ABCA12: variants seen among roughly 807,000 people sequenced by gnomAD.
ABCA12 encodes the protein ATP binding cassette subfamily A member 12.
A neutral mutation model predicts 293.5 loss-of-function variants in ABCA12; 156 were observed. The observed-to-expected ratio is 0.53, with a 90% CI of 0.47 to 0.61. The LOEUF (loss-of-function observed/expected upper bound fraction) is 0.61. Among genes scored for constraint, ABCA12 ranks in the 20% least tolerant of loss-of-function variants. The probability of loss-of-function intolerance (pLI) is 0.00; values close to 1 mark genes in which losing one functional copy is unlikely to be tolerated. For synonymous variants in ABCA12, 1,063 were observed against 1,108.0 expected (o/e 0.96, Z 0.81); for missense variants, 2,797 against 3,090.2 (o/e 0.91, Z 2.25).
At chr2:215,052,445 A>G (rs752277900) in intron 5 of ABCA12, 42 bp downstream of exon 5, 2 of 1,509,514 alleles carry the variant, frequency 1.3e-6, no homozygotes, top group South Asian at 1.1e-5. Flanking sequence ...TAAAAGGCCT[A>G]TGTTGAATCA....
At chr2:215,036,784 C>T (rs1453818310) in intron 8 of ABCA12, among the ~76,000 whole-genome samples, 169 bp downstream of exon 8, 1 of 152,070 alleles carries the variant, frequency 6.6e-6, no homozygotes, top group East Asian at 1.9e-4. Flanking sequence ...TTGGCCATTT[C>T]TCCCTTTCTC....
At chr2:214,963,605 CAAAAAAAAAAAAAA>C (rs57895778) in intron 39 of ABCA12, among the ~76,000 whole-genome samples, 1 of 70,184 alleles carries the variant, frequency 1.4e-5, no homozygotes, top group Non-Finnish European at 2.7e-5. Context: ...GCAGAGATAC[CAAAAAAAAAAAAAA>C]AAAAAAAAAA....
chr2:215,056,079 A>G (rs970911297), intron 3 of ABCA12, among the ~76,000 whole-genome samples: 20 of 152,092 alleles, frequency 1.3e-4, no homozygotes, highest in African/African-American at 4.6e-4. Flanking sequence ...AAATTTAAGG[A>G]CTAGGGACAG....
At chr2:214,933,592 C>G (rs1698129269) in intron 52 of ABCA12, among the ~76,000 whole-genome samples, 2 of 149,914 alleles carry the variant, frequency 1.3e-5, no homozygotes, top group Non-Finnish European at 3.0e-5. Flanking sequence ...TTATTAAATG[C>G]AAATGTAATT....
At chr2:215,042,414 T>C (rs1486331628) in intron 7 of ABCA12, 2 of 152,076 alleles carry the variant, frequency 1.3e-5, no homozygotes, top group African/African-American at 2.4e-5. Flanking sequence ...TTTTTTATTT[T>C]ATTTTATTTT....
rs1184651381 is a variant in ABCA12, at chr2:214,971,346, G to A, written c.5563-946C>T. ...TAAAAGAGAATACTCTTATGTATTC[G>A]TGTAATTTTTAAATTATACTATACA... On this transcript the variant is annotated intron_variant, in intron 36 of 52. Coordinates refer to ENST00000272895, the MANE Select transcript of ABCA12 (RefSeq NM_173076.3). Among the ~76,000 whole-genome samples, 12 of 152,060 alleles carry A rather than the reference G, an allele frequency of 7.9e-5. No individual in the cohort carries two copies. The South Asian group carries it at 1.2e-3, about 16-fold the overall frequency.
intron 38 of ABCA12, among the ~76,000 whole-genome samples, chr2:214,967,419 A>G (rs1054028153): frequency 7.9e-5 from 12 of 152,128 alleles, no homozygotes; most frequent in Admixed American, 2.6e-4. Context: ...TTCCTCCACT[A>G]ATTTTTGATT....
At chr2:215,061,563 A>T (rs1180419863) in intron 3 of ABCA12, among the ~76,000 whole-genome samples, 1 of 152,128 alleles carries the variant, frequency 6.6e-6, no homozygotes, top group Non-Finnish European at 1.5e-5. Flanking sequence ...AATATATGCC[A>T]GTTTCATTGC....
chr2:215,030,209 C>T (rs1461561447), intron 9 of ABCA12: 2 of 152,140 alleles, frequency 1.3e-5, no homozygotes, highest in East Asian at 1.9e-4. Context: ...CATAAAAATA[C>T]ATGGCTTCAG....
intron 7 of ABCA12, among the ~76,000 whole-genome samples, chr2:215,041,208 A>G (rs1338967726): frequency 1.3e-5 from 2 of 152,210 alleles, no homozygotes; most frequent in Admixed American, 6.5e-5. Context: ...AAAATAAATA[A>G]AAAGAAATAC....
rs149867329 is a variant in ABCA12, at chr2:215,119,122, C to T, written c.70-7432G>A. On this transcript the variant is annotated intron_variant, in intron 1 of 52. Coordinates refer to ENST00000272895, the MANE Select transcript of ABCA12 (RefSeq NM_173076.3). The stretch of plus-strand genomic sequence containing the variant: ...AGTAGCTGGGATTACAGGCATGTGC[C>T]ACCACGCCTGGCTAAGTTTTGTATT... Among the ~76,000 whole-genome samples, 52 of 152,284 alleles carry T rather than the reference C, an allele frequency of 3.4e-4. 2 individuals are homozygous for T. The highest frequency in any genetic ancestry group is 2.4e-3 in the Admixed American group (37 of 15,300).
chr2:215,087,104 A>G (rs1298921564), intron 2 of ABCA12, among the ~76,000 whole-genome samples: 3 of 152,104 alleles, frequency 2.0e-5, no homozygotes, highest in African/African-American at 7.2e-5. Context: ...CACCAAGGTC[A>G]GCTAATTTTG....
At chr2:215,030,869 C>G (rs1051469285) in intron 9 of ABCA12, among the ~76,000 whole-genome samples, 3 of 152,108 alleles carry the variant, frequency 2.0e-5, no homozygotes, top group African/African-American at 7.2e-5. Flanking sequence ...ATTGGTTAAA[C>G]CTAAGTAATC....
At position 215,015,447 on chromosome 2, in the gene ABCA12, T is replaced by C. The variant is rs566390486; in HGVS notation, c.1956+43A>G. The C allele has an allele frequency of 4.5e-6, 7 of 1,540,966 alleles. No individual in the cohort carries two copies. In the South Asian group the frequency reaches 7.9e-5, roughly 17 times the overall value. The stretch of plus-strand genomic sequence containing the variant: ...ATAAATGTATAATTAAATAGTTTTA[T>C]ATAAACCATGAATATAAACATATTT... On this transcript the variant is annotated intron_variant, in intron 15 of 52. Coordinates refer to ENST00000272895, the MANE Select transcript of ABCA12 (RefSeq NM_173076.3).
At chr2:214,954,142 T>C in intron 43 of ABCA12, 35 bp from the exon 44 acceptor site, 1 of 1,607,830 alleles carries the variant, frequency 6.2e-7, no homozygotes. Context: ...AACTCAGTGT[T>C]AAGTTTCCAA....
chr2:214,975,004 C>T, intron 34 of ABCA12, 140 bp from the exon 35 acceptor site: 1 of 775,548 alleles, frequency 1.3e-6, no homozygotes. Context: ...GCCGTGTTGC[C>T]CAGGCTGGAG....
chr2:214,935,576 T>A (rs1164040522), intron 51 of ABCA12, among the ~76,000 whole-genome samples: 2 of 152,146 alleles, frequency 1.3e-5, no homozygotes, highest in African/African-American at 4.8e-5. Flanking sequence ...GCAGAAAGAT[T>A]GCTTCGGGCC....
At chr2:214,946,776 G>A (rs573318764) in intron 48 of ABCA12, among the ~76,000 whole-genome samples, 5 of 152,196 alleles carry the variant, frequency 3.3e-5, no homozygotes, top group South Asian at 2.1e-4. Context: ...TAGACTTGGG[G>A]TGCAGAATAT....
chr2:215,118,203 A>C (rs1001899682), intron 1 of ABCA12, among the ~76,000 whole-genome samples: 2 of 152,160 alleles, frequency 1.3e-5, no homozygotes, highest in African/African-American at 4.8e-5. Context: ...GGAGTTTGAG[A>C]CCAGCCTGGC....
Sources: allele counts gnomAD v4.1 joint callset (sites outside exome capture counted in the v4.1 genomes callset), GRCh38; gene constraint gnomAD v4.1.1; transcripts MANE v1.5; gene names NCBI Gene and HGNC (gene_info 2026-07-23, HGNC 2026-07-21).